Variants in ABHD15 observed in about 807,000 individuals in gnomAD.
ABHD15 encodes protein ABHD15.
ABHD15 carries 34 observed loss-of-function variants against 34.4 expected under a neutral mutation model. The observed-to-expected ratio is 0.99, with a 90% CI of 0.75 to 1.32. The LOEUF (loss-of-function observed/expected upper bound fraction) is 1.32, where lower values mean the gene tolerates loss of function less well. ABHD15 is among the 40% of genes most tolerant of loss of function. The pLI is 0.00. For missense variants in ABHD15, 644 were observed against 650.4 expected (o/e 0.99, Z 0.11); for synonymous variants, 314 against 299.2 (o/e 1.05, Z -0.51).
At position 29,566,233 on chromosome 17, in the gene ABHD15, G is replaced by A. The variant is rs371803665; in HGVS notation, c.734C>T (p.Ser245Phe). 87 of 1,610,868 alleles carry A rather than the reference G, an allele frequency of 5.4e-5. No homozygotes were observed. The highest frequency in any genetic ancestry group is 2.2e-5 in the East Asian group (1 of 44,860). ...GGAGGAGCCGCACTCGCCCAGGTAG[G>A]ACAGGAGCAGCGCCGAGCCCGAGCC... ...SEGSGSALLLSYLGECGSSSY... is the reference protein window; with the variant it reads ...SEGSGSALLLFYLGECGSSSY... Residue 245 changes from serine to phenylalanine, a missense_variant, in exon 1 of 2, where the codon TCC (serine) becomes TTC (phenylalanine). Physicochemically the swap from Ser to Phe is radical, Grantham distance 155. Transcript: ENST00000307201.
intron 1 of ABHD15, among the ~76,000 whole-genome samples, chr17:29,564,056 A>G (rs899912037): frequency 1.1e-4 from 17 of 152,128 alleles, no homozygotes; most frequent in African/African-American, 3.9e-4. Flanking sequence ...GCACCTGTCT[A>G]TGTGCCCTAG....
intron 1 of ABHD15, among the ~76,000 whole-genome samples, chr17:29,564,714 C>T (rs1046285910): frequency 1.3e-5 from 2 of 152,126 alleles, no homozygotes; most frequent in Admixed American, 1.3e-4. Flanking sequence ...ATTAACCGGG[C>T]ATGGTGGCAT....
Position 29,566,761 on chromosome 17 carries a change from C to A in ABHD15, c.206G>T (p.Gly69Val). 3.9e-6 allele frequency: 6 copies of A among 1,536,752 alleles called. No individual in the cohort carries two copies. The highest frequency in any genetic ancestry group is 2.0e-5 in the Admixed American group (1 of 50,820). Reference protein sequence around the residue: ...FSDGREPLPGGCSLVCKPSAL... With the variant: ...FSDGREPLPGVCSLVCKPSAL... ...CGACGGCTTGCAAACAAGGCTGCAC[C>A]CTCCCGGCAGTGGCTCGCGCCCGTC... Residue 69 changes from glycine to valine, a missense_variant, in exon 1 of 2, where the codon GGG becomes GTG. Transcript: ENST00000307201.
At chr17:29,565,548 C>T (rs952176095) in intron 1 of ABHD15, among the ~76,000 whole-genome samples, 2 of 152,174 alleles carry the variant, frequency 1.3e-5, no homozygotes, top group African/African-American at 4.8e-5. Context: ...CCAAGTTAGT[C>T]TCAAACTCTT....
At chr17:29,565,831 G>A (rs1484519491) in intron 1 of ABHD15, among the ~76,000 whole-genome samples, 1 of 152,230 alleles carries the variant, frequency 6.6e-6, no homozygotes, top group African/African-American at 2.4e-5. Context: ...AGGGGGTGCC[G>A]AGATGAGGCA....
rs868133076 is a variant in ABHD15 at position 29,566,545 on chromosome 17, A to G, written c.422T>C (p.Val141Ala). ...DDGLVALDWVVGPCVRGRRIT... is the reference protein window; with the variant it reads ...DDGLVALDWVAGPCVRGRRIT... The stretch of plus-strand genomic sequence containing the variant: ...CCGGCGGCCCCGAACACAAGGTCCT[A>G]CCACCCAGTCCAGGGCCACTAGCCC... The change falls in exon 1 of 2, where the codon GTA (valine) becomes GCA (alanine). Residue 141 changes from valine (V) to alanine (A), a missense_variant. Physicochemically the swap from Val to Ala is moderately conservative, Grantham distance 64. Coordinates refer to ENST00000307201, the MANE Select transcript of ABHD15 (RefSeq NM_198147.3). The G allele has an allele frequency of 1.9e-6, 3 of 1,609,818 alleles. No individual in the cohort carries two copies. In the Admixed American group the frequency reaches 5.0e-5, roughly 27 times the overall value.
chr17:29,563,186 T>C (rs1313781576), intron 1 of ABHD15, 100 bp from the exon 2 acceptor site: 2 of 1,368,018 alleles, frequency 1.5e-6, no homozygotes, highest in Non-Finnish European at 2.0e-6. Flanking sequence ...GCAGGCCAGA[T>C]CTGTCCACAG....
intron 1 of ABHD15, among the ~76,000 whole-genome samples, chr17:29,565,135 G>A (rs927260132): frequency 3.9e-5 from 6 of 151,950 alleles, no homozygotes; most frequent in Non-Finnish European, 7.4e-5. Flanking sequence ...GTGCACGCCT[G>A]TAGTCCCCAG....
Position 29,562,348 on chromosome 17 carries a change from G to T in ABHD15, c.*213C>A. 1 of 528,804 alleles carries T rather than the reference G, an allele frequency of 1.9e-6. No homozygotes were observed. The highest frequency in any genetic ancestry group is 3.3e-6 in the Non-Finnish European group (1 of 303,644). 32.8% of individuals were successfully genotyped at this position (528,804 alleles called of 1,614,324 possible). ...GACCGGATGAGTAGGGATATGTTGA[G>T]CAGAGGCCAGGCAGGAGTTCTGCTG... On this transcript the variant is annotated 3_prime_UTR_variant, in exon 2 of 2. Coordinates refer to ENST00000307201, the MANE Select transcript of ABHD15 (RefSeq NM_198147.3).
At position 29,562,406 on chromosome 17, in the gene ABHD15, C is replaced by G. The variant is rs1259507030; in HGVS notation, c.*155G>C. 1 of 838,064 alleles carries G rather than the reference C, an allele frequency of 1.2e-6. No individual in the cohort carries two copies. The highest frequency in any genetic ancestry group is 1.7e-5 in the African/African-American group (1 of 58,818). 51.9% of individuals were successfully genotyped at this position (838,064 alleles called of 1,614,324 possible). On this transcript the variant is annotated 3_prime_UTR_variant, in exon 2 of 2. Transcript: ENST00000307201. ...AGTGAGTGCAGGCTCGCAGGACGTT[C>G]CTTCTCTTTCAAGGCACCAATTTAA...
chr17:29,566,830 T>G lies in ABHD15; in HGVS notation c.137A>C (p.Asp46Ala). The change falls in exon 1 of 2, where the codon GAC becomes GCC. Residue 46 changes from aspartate to alanine, a missense_variant. Physicochemically the swap from Asp to Ala is moderately radical, Grantham distance 126 (BLOSUM62 -2). Coordinates refer to ENST00000307201, the MANE Select transcript of ABHD15 (RefSeq NM_198147.3). ...RTLPGAQDRD[D>A]GEEADGGGPA... ...GCCTCCGCCGTCCGCCTCCTCCCCG[T>G]CGTCTCGGTCTTGGGCCCCCGGCAG... The G allele has an allele frequency of 1.3e-6, 2 of 1,515,848 alleles. No homozygotes were observed. The highest frequency in any genetic ancestry group is 1.8e-6 in the Non-Finnish European group (2 of 1,140,188). 93.9% of individuals were successfully genotyped at this position (1,515,848 alleles called of 1,614,324 possible).
Position 29,566,928 on chromosome 17 carries a change from G to C in ABHD15, c.39C>G (p.Ala13=), listed in dbSNP as rs1426287979. 2.5e-5 allele frequency: 37 copies of C among 1,456,336 alleles called. No homozygotes were observed. Among genetic ancestry groups the C allele is most frequent in the Non-Finnish European group, 3.3e-5 (37 of 1,113,474 alleles). 90.2% of individuals were successfully genotyped at this position (1,456,336 alleles called of 1,614,324 possible). ...PWGAALALIL[A]VLALLGLLGP... ...CGAGCAGGCCGAGAAGGGCGAGCACGGCCAAGATGAGCGCGAGGGCGGCGC... is the reference window on the plus strand; with the variant it reads ...CGAGCAGGCCGAGAAGGGCGAGCACCGCCAAGATGAGCGCGAGGGCGGCGC... Residue 13 remains alanine (A), a synonymous_variant, in exon 1 of 2, where the codon GCC becomes GCG. Transcript: ENST00000307201.
Position 29,562,664 on chromosome 17 carries a change from A to G in ABHD15, c.1304T>C (p.Phe435Ser), listed in dbSNP as rs1249258941. 1.2e-6 allele frequency: 2 copies of G among 1,614,036 alleles called. No homozygotes were observed. Among genetic ancestry groups the G allele is most frequent in the African/African-American group, 2.7e-5 (2 of 74,930 alleles). Residue 435 changes from phenylalanine (F) to serine (S), a missense_variant, in exon 2 of 2, where the codon TTC (phenylalanine) becomes TCC (serine). Coordinates refer to ENST00000307201, the MANE Select transcript of ABHD15 (RefSeq NM_198147.3). ...IKGLSRHRAS[F>S]LGGRRRGGAL... is the part of the protein sequence containing the mutation. ...TCCCCCACGACGACGGCCCCCAAGG[A>G]AGGAAGCTCTGTGCCTGCTCAGCCC... is the stretch of plus-strand genomic sequence containing the variant.
intron 1 of ABHD15, among the ~76,000 whole-genome samples, chr17:29,564,856 T>G (rs987470043): frequency 6.6e-6 from 1 of 151,932 alleles, no homozygotes; most frequent in Admixed American, 6.6e-5. Flanking sequence ...AAAGCCAGAG[T>G]GCAGGCTAGG....
At position 29,566,304 on chromosome 17, in the gene ABHD15, G is replaced by A. The variant is rs1166176939; in HGVS notation, c.663C>T (p.Tyr221=). ...DPSDLKEAVT[Y]IRFRHPAAPL... The stretch of plus-strand genomic sequence containing the variant: ...GCGCCGCCGGGTGTCGGAAGCGGAT[G>A]TATGTGACCGCCTCCTTGAGGTCGG... Residue 221 remains tyrosine (Y), a synonymous_variant, in exon 1 of 2, where the codon TAC becomes TAT. Coordinates refer to ENST00000307201, the MANE Select transcript of ABHD15 (RefSeq NM_198147.3). The A allele has an allele frequency of 6.2e-7, 1 of 1,611,736 alleles. No homozygotes were observed.
chr17:29,566,125 T>TC lies in ABHD15; in HGVS notation c.841dup (p.Glu281GlyfsTer38), dbSNP rs754052040. The TC allele has an allele frequency of 8.3e-6, 13 of 1,559,114 alleles. No homozygotes were observed. Among genetic ancestry groups the TC allele is most frequent in the Non-Finnish European group, 1.1e-5 (13 of 1,150,576 alleles). On this transcript the variant is annotated frameshift_variant, in exon 1 of 2. Coordinates refer to ENST00000307201, the MANE Select transcript of ABHD15 (RefSeq NM_198147.3). LOFTEE classifies it high-confidence loss of function. ...CTTCTGGTGGAGCAGAAAGCCCCGCTCGTAGGGCCAGGGCAGGCCGGCCTC... is the reference window on the plus strand; with the variant it reads ...CTTCTGGTGGAGCAGAAAGCCCCGCTCCGTAGGGCCAGGGCAGGCCGGCCTC...
chr17:29,562,941 G>C lies in ABHD15; in HGVS notation c.1027C>G (p.Arg343Gly), dbSNP rs758533372. The stretch of plus-strand genomic sequence containing the variant: ...GGCACGGCTGCCTCATCGACATCCC[G>C]GAGCGGGTCGTTGCGGTCCCAGTAG... Reference protein sequence around the residue: ...DTYWDRNDPLRDVDEAAVPVL... With the variant: ...DTYWDRNDPLGDVDEAAVPVL... Residue 343 changes from arginine to glycine, a missense_variant, in exon 2 of 2, where the codon CGG (arginine) becomes GGG (glycine). By Grantham distance (125) the Arg-to-Gly change is moderately radical. Coordinates refer to ENST00000307201, the MANE Select transcript of ABHD15 (RefSeq NM_198147.3). 1.2e-6 allele frequency: 2 copies of C among 1,613,956 alleles called. No individual in the cohort carries two copies. Among genetic ancestry groups the C allele is most frequent in the Non-Finnish European group, 1.7e-6 (2 of 1,180,048 alleles).
chr17:29,563,384 TAAAA>T (rs34446912), intron 1 of ABHD15, among the ~76,000 whole-genome samples: 1 of 121,554 alleles, frequency 8.2e-6, no homozygotes. Context: ...AACCCATCTC[TAAAA>T]AAAAAAAAAA....
Position 29,566,546 on chromosome 17 carries a change from C to T in ABHD15, c.421G>A (p.Val141Ile). The change falls in exon 1 of 2, where the codon GTA (valine) becomes ATA (isoleucine). Residue 141 changes from valine (V) to isoleucine (I), a missense_variant. Physicochemically the swap from Val to Ile is conservative, Grantham distance 29 (BLOSUM62 3). Coordinates refer to ENST00000307201, the MANE Select transcript of ABHD15 (RefSeq NM_198147.3). ...DDGLVALDWV[V>I]GPCVRGRRIT... is the part of the protein sequence containing the mutation. ...CGGCGGCCCCGAACACAAGGTCCTA[C>T]CACCCAGTCCAGGGCCACTAGCCCA... 6.2e-7 allele frequency: 1 copy of T among 1,610,270 alleles called. No individual in the cohort carries two copies. Among genetic ancestry groups the T allele is most frequent in the Non-Finnish European group, 8.5e-7 (1 of 1,179,340 alleles).
Sources: gnomAD v4.1 joint callset for allele counts (sites outside exome capture counted in the v4.1 genomes callset) on GRCh38, gnomAD v4.1.1 for gene constraint, MANE v1.5 for transcripts, NCBI Gene and HGNC (gene_info 2026-07-23, HGNC 2026-07-21) for gene names.